HK1: variants seen among roughly 807,000 people sequenced by gnomAD.
The protein encoded by HK1 is hexokinase-1.
In HK1, 28 loss-of-function variants were observed where a neutral mutation model predicts 91.6. The observed-to-expected ratio is 0.31, with a 90% CI of 0.23 to 0.42. The LOEUF (loss-of-function observed/expected upper bound fraction) is 0.42, where lower values mean the gene tolerates loss of function less well. Ranked by LOEUF, HK1 falls within the 10% of genes least tolerant of loss-of-function variation. The pLI is 1.00. For missense variants in HK1, 770 were observed against 1,219.8 expected, an observed-to-expected ratio of 0.63 and a Z score of 5.49; for synonymous variants, 430 against 468.1, an observed-to-expected ratio of 0.92 and a Z score of 1.05.
chr10:69,370,791 A>G (rs1849960495), intron 7 of HK1, among the ~76,000 whole-genome samples: 1 of 152,192 alleles, frequency 6.6e-6, no homozygotes, highest in Non-Finnish European at 1.5e-5. Flanking sequence ...AAATAGACAC[A>G]CCAGAGTTGA....
intron 11 of HK1, 26 bp from the exon 12 acceptor site, chr10:69,384,770 G>A (rs752008245): frequency 9.3e-6 from 15 of 1,613,954 alleles, no homozygotes; most frequent in South Asian, 4.4e-5. Context: ...CAGAGAGCAC[G>A]GGCGATCCTT....
In HK1 at chr10:69,325,526, A is replaced by ATC. The variant is rs1252172476; in HGVS notation, c.63+6517_63+6518insCT. Among the ~76,000 whole-genome samples the ATC allele has an allele frequency of 6.4e-5, 8 of 125,932 alleles. No homozygotes were observed. In the East Asian group the frequency reaches 1.1e-3, roughly 17 times the overall value. The allele number at this position is 125,932 out of a possible 152,430, so 82.6% of individuals were successfully genotyped here. On this transcript the variant is annotated intron_variant, in intron 1 of 17. Coordinates refer to ENST00000359426, the MANE Select transcript of HK1 (RefSeq NM_000188.3). ...GCACCAGCCAATGCTCCTGGCCTGCATTTTTTTTTTTTTTTTTGAGATGGG... is the reference window on the plus strand; with the variant it reads ...GCACCAGCCAATGCTCCTGGCCTGCATCTTTTTTTTTTTTTTTTTGAGATGGG...
At chr10:69,335,619 G>A (rs117979374) in intron 1 of HK1, among the ~76,000 whole-genome samples, 112 of 152,314 alleles carry the variant, frequency 7.4e-4, no homozygotes, top group Admixed American at 2.2e-3. Flanking sequence ...GAACCTCCTG[G>A]CCACTCATTC....
intron 5 of HK1, among the ~76,000 whole-genome samples, chr10:69,307,667 G>A (rs1198418047): frequency 6.6e-6 from 1 of 152,036 alleles, no homozygotes; most frequent in Non-Finnish European, 1.5e-5. Context: ...GGGATATTAC[G>A]AGTATCCACC....
intron 9 of HK1, among the ~76,000 whole-genome samples, chr10:69,382,006 C>T (rs568373049): frequency 5.9e-5 from 9 of 152,238 alleles, no homozygotes; most frequent in East Asian, 5.8e-4. Flanking sequence ...TGATTATGAA[C>T]GATTTCATTT....
intron 15 of HK1, among the ~76,000 whole-genome samples, chr10:69,393,094 G>T (rs1030410923): frequency 1.3e-5 from 2 of 152,152 alleles, no homozygotes; most frequent in African/African-American, 2.4e-5. Flanking sequence ...CAGTTCTCCT[G>T]CCTCAGCCTC....
chr10:69,375,179 G>A (rs1839027859), intron 7 of HK1, among the ~76,000 whole-genome samples: 1 of 152,178 alleles, frequency 6.6e-6, no homozygotes, highest in South Asian at 2.1e-4. Flanking sequence ...GATGAAAAAA[G>A]TTAATACAGG....
intron 2 of HK1, among the ~76,000 whole-genome samples, chr10:69,357,483 C>T (rs530877472): frequency 4.8e-4 from 73 of 152,272 alleles, no homozygotes; most frequent in African/African-American, 1.6e-3. Context: ...CAGGGCCTCG[C>T]TCTGTTGCCC....
rs867108701 is a variant in HK1 at position 69,396,287 on chromosome 10, G to A, written c.2375+1182G>A. Among the ~76,000 whole-genome samples, 621 of 143,002 alleles carry A rather than the reference G, an allele frequency of 4.3e-3. 8 individuals carry two copies. The highest frequency in any genetic ancestry group is 0.015 in the African/African-American group (559 of 38,446). 93.8% of individuals were successfully genotyped at this position (143,002 alleles called of 152,430 possible). On this transcript the variant is annotated intron_variant, in intron 16 of 17. Coordinates refer to ENST00000359426, the MANE Select transcript of HK1 (RefSeq NM_000188.3). ...CTCTGTCTCAAAAAAAAAAAAAAAA[G>A]AGAAAGAAAAGAAAAAAAATATTAA...
At chr10:69,387,148 G>C (rs1702625458) in intron 13 of HK1, among the ~76,000 whole-genome samples, 1 of 152,118 alleles carries the variant, frequency 6.6e-6, no homozygotes, top group South Asian at 2.1e-4. Flanking sequence ...ACAAGAATAA[G>C]ACCAGTCTGT....
chr10:69,373,567 C>G (rs1414252312), intron 7 of HK1, among the ~76,000 whole-genome samples: 1 of 151,706 alleles, frequency 6.6e-6, no homozygotes, highest in African/African-American at 2.4e-5. Flanking sequence ...TTTTAATTCT[C>G]CTTCCCTTTT....
upstream of HK1, chr10:69,318,385 C>G (rs909945936): frequency 1.5e-5 from 4 of 271,660 alleles, no homozygotes; most frequent in African/African-American, 6.9e-5. Context: ...CTCCTAGGGG[C>G]GAGCCCTCAT....
chr10:69,398,898 G>A, intron 17 of HK1, 70 bp downstream of exon 17: 2 of 1,249,706 alleles, frequency 1.6e-6, no homozygotes, highest in Non-Finnish European at 2.3e-6. Context: ...GTATCAGGGT[G>A]TGGTTTACGC....
chr10:69,388,862 C>T (rs1165749102), intron 13 of HK1, among the ~76,000 whole-genome samples: 1 of 152,032 alleles, frequency 6.6e-6, no homozygotes, highest in Non-Finnish European at 1.5e-5. Context: ...TCCATTTTGC[C>T]CTCTGAAAGG....
chr10:69,345,166 G>A (rs373166736), intron 2 of HK1, among the ~76,000 whole-genome samples: 1 of 152,216 alleles, frequency 6.6e-6, no homozygotes, highest in South Asian at 2.1e-4. Flanking sequence ...AGATTTGGAC[G>A]CTGATAAAGA....
chr10:69,282,999 G>T (rs1387816418), intron 2 of HK1, among the ~76,000 whole-genome samples: 1 of 150,606 alleles, frequency 6.6e-6, no homozygotes, highest in African/African-American at 2.4e-5. Context: ...GGTGGCAGGC[G>T]CCTGTAATCC....
Position 69,368,575 on chromosome 10 carries a change from G to A in HK1, c.535G>A (p.Gly179Arg), listed in dbSNP as rs1275659810. ...CTGGACAAAGCGATTTAAAGCGAGC[G>A]GAGTGGAAGGAGCAGATGTGGTCAA... ...ITWTKRFKAS[G>R]VEGADVVKLL... The change falls in exon 5 of 18, where the codon GGA becomes AGA. Residue 179 changes from glycine to arginine, a missense_variant. Coordinates refer to ENST00000359426, the MANE Select transcript of HK1 (RefSeq NM_000188.3). 7 of 1,614,216 alleles carry A rather than the reference G, an allele frequency of 4.3e-6. No individual in the cohort carries two copies. Among genetic ancestry groups the A allele is most frequent in the South Asian group, 1.1e-5 (1 of 91,080 alleles).
At chr10:69,318,076 C>T, upstream of HK1, 2 of 985,446 alleles carry the variant, frequency 2.0e-6, no homozygotes, top group Non-Finnish European at 2.4e-6. Flanking sequence ...GGCCCAAGTC[C>T]CGCCCAGAGG....
At chr10:69,377,270 T>C (rs1270102242) in intron 8 of HK1, among the ~76,000 whole-genome samples, 181 bp downstream of exon 8, 1 of 152,160 alleles carries the variant, frequency 6.6e-6, no homozygotes, top group Non-Finnish European at 1.5e-5. Flanking sequence ...AAGGCACTTG[T>C]GGCGGTTCAT....
Sources: allele counts gnomAD v4.1 joint callset (sites outside exome capture counted in the v4.1 genomes callset), GRCh38; gene constraint gnomAD v4.1.1; transcripts MANE v1.5; gene names NCBI Gene and HGNC (gene_info 2026-07-23, HGNC 2026-07-21).